The following CELSR1 variants were observed in gnomAD, a reference collection of about 807,000 sequenced individuals.
The protein encoded by CELSR1 is adhesion G protein-coupled receptor C1.
Under a neutral mutation model 249.1 loss-of-function variants are expected in CELSR1, and 110 were observed. That is an observed-to-expected ratio of 0.44 (90% CI 0.38 to 0.52). The LOEUF is 0.52. Among genes scored for constraint, CELSR1 ranks in the 20% least tolerant of loss-of-function variants. The pLI is 0.00. For missense variants in CELSR1, 4,109 were observed against 4,296.4 expected, an observed-to-expected ratio of 0.96 and a Z score of 1.22; for synonymous variants, 2,113 against 1,900.0, an observed-to-expected ratio of 1.11 and a Z score of -2.92.
chr22:46,480,330 G>A (rs2080254100), intron 1 of CELSR1, among the ~76,000 whole-genome samples: 1 of 152,190 alleles, frequency 6.6e-6, no homozygotes, highest in African/African-American at 2.4e-5. Context: ...TCAAGATGCA[G>A]CATGTCAAAA....
chr22:46,524,306 A>T (rs957757228), intron 1 of CELSR1, among the ~76,000 whole-genome samples: 1 of 151,780 alleles, frequency 6.6e-6, no homozygotes, highest in Non-Finnish European at 1.5e-5. Context: ...CTTCTCAATC[A>T]CCCCTGCTCT....
At chr22:46,432,928 A>T (rs1216016891) in intron 5 of CELSR1, among the ~76,000 whole-genome samples, 1 of 152,210 alleles carries the variant, frequency 6.6e-6, no homozygotes, top group Non-Finnish European at 1.5e-5. Flanking sequence ...CAGACCCTCC[A>T]CAAATGTGCA....
At chr22:46,486,408 C>A (rs1030215699) in intron 1 of CELSR1, among the ~76,000 whole-genome samples, 2 of 151,566 alleles carry the variant, frequency 1.3e-5, no homozygotes, top group Non-Finnish European at 2.9e-5. Context: ...ATTAGCTGGG[C>A]GTGGTGGTGG....
chr22:46,376,182 T>G (rs1716331199), intron 24 of CELSR1, among the ~76,000 whole-genome samples: 1 of 152,272 alleles, frequency 6.6e-6, no homozygotes, highest in African/African-American at 2.4e-5. Context: ...TTATCAAAAT[T>G]CTTTTGTACA....
rs780101304 is a variant in CELSR1, at chr22:46,533,870, G to C, written c.3301C>G (p.Leu1101Val). The stretch of plus-strand genomic sequence containing the variant: ...TTGAAGAGGATCTGGAAGTCGGGCA[G>C]CACAGGCGGGTTGTCATTCTGGTCC... ...LVDQNDNPPV[L>V]PDFQILFNNY... The change falls in exon 1 of 35, where the codon CTG becomes GTG. Residue 1101 changes from leucine (L) to valine (V), a missense_variant. Physicochemically the swap from Leu to Val is conservative, Grantham distance 32. Coordinates refer to ENST00000674500, the MANE Select transcript of CELSR1 (RefSeq NM_001378328.1). 4 of 1,613,746 alleles carry C rather than the reference G, an allele frequency of 2.5e-6. No homozygotes were observed. Among genetic ancestry groups the C allele is most frequent in the Middle Eastern group, 1.6e-4 (1 of 6,062 alleles).
chr22:46,409,131 C>G lies in CELSR1; in HGVS notation c.5091G>C (p.Glu1697Asp), dbSNP rs1035012688. Residue 1697 changes from glutamate (E) to aspartate (D), a missense_variant, in exon 9 of 35, where the codon GAG becomes GAC. Transcript: ENST00000674500. This position sits in a 1 kb window ranked among gnomAD's most constrained non-coding sequence, Gnocchi z 9.8. ...AMPHPQLFSG[E>D]SVVSWSDLNI... Reference sequence around the variant, plus strand: ...TCAGGTCACTCCAGGACACGACGCTCTCACCGCTGAAGAGCTGGGGGTGAG... The same window carrying G: ...TCAGGTCACTCCAGGACACGACGCTGTCACCGCTGAAGAGCTGGGGGTGAG... 3.1e-6 allele frequency: 5 copies of G among 1,613,392 alleles called. No individual in the cohort carries two copies. Among genetic ancestry groups the G allele is most frequent in the Admixed American group, 3.3e-5 (2 of 59,962 alleles).
intron 1 of CELSR1, among the ~76,000 whole-genome samples, chr22:46,525,225 G>T (rs2080727068): frequency 1.3e-5 from 2 of 152,208 alleles, no homozygotes; most frequent in South Asian, 4.1e-4. Context: ...GAAGCGGGCA[G>T]ATCACCTGAG....
In CELSR1 at chr22:46,398,071, T is replaced by A. The variant is rs2079170400; in HGVS notation, c.5527-223A>T. Among the ~76,000 whole-genome samples the A allele has an allele frequency of 6.6e-6, 1 of 152,008 alleles. No homozygotes were observed. Among genetic ancestry groups the A allele is most frequent in the Non-Finnish European group, 1.5e-5 (1 of 67,962 alleles). On this transcript the variant is annotated intron_variant, in intron 11 of 34. Transcript: ENST00000674500. The surrounding 1 kb of genome is among the most constrained non-coding windows in gnomAD (Gnocchi z 7.2). ...GCTCAGAGGGCACGCCAGCCTGAGC[T>A]CCTGGGGTGCGCGGTGGGGGCGTGA...
At chr22:46,414,876 C>T (rs1199160247) in intron 5 of CELSR1, among the ~76,000 whole-genome samples, 1 of 152,206 alleles carries the variant, frequency 6.6e-6, no homozygotes, top group African/African-American at 2.4e-5. Context: ...GTGGAAACCA[C>T]CTAAATGTCC....
In CELSR1 at chr22:46,440,615, A is replaced by T. The variant is rs1311919332; in HGVS notation, c.4184-1204T>A. Among the ~76,000 whole-genome samples the T allele has an allele frequency of 5.9e-5, 9 of 151,456 alleles. No individual in the cohort carries two copies. The highest frequency in any genetic ancestry group is 1.0e-4 in the Non-Finnish European group (7 of 67,924). ...TTTTCCTGTTTTATTGACAATTGAC[A>T]CTCTCTTTCCTAGAAGCTGCCTGAG... is the stretch of plus-strand genomic sequence containing the variant. On this transcript the variant is annotated intron_variant, in intron 2 of 34. Coordinates refer to ENST00000674500, the MANE Select transcript of CELSR1 (RefSeq NM_001378328.1). This position sits in a 1 kb window ranked among gnomAD's most constrained non-coding sequence, Gnocchi z 4.7.
At chr22:46,493,267 G>A (rs1346563468) in intron 1 of CELSR1, among the ~76,000 whole-genome samples, 1 of 151,604 alleles carries the variant, frequency 6.6e-6, no homozygotes, top group Non-Finnish European at 1.5e-5. Context: ...AAAAACAGGC[G>A]GGGCGTGGTG....
At position 46,517,997 on chromosome 22, in the gene CELSR1, C is replaced by T. The variant is rs916474508; in HGVS notation, c.3544+15630G>A. Among the ~76,000 whole-genome samples, 1 of 151,394 alleles carries T rather than the reference C, an allele frequency of 6.6e-6. No homozygotes were observed. The highest frequency in any genetic ancestry group is 2.4e-5 in the African/African-American group (1 of 41,136). On this transcript the variant is annotated intron_variant, in intron 1 of 34. Transcript: ENST00000674500. The surrounding 1 kb of genome is among the most constrained non-coding windows in gnomAD (Gnocchi z 5.4). ...GGCTCACTGCAACCTCTGCCTCCTG[C>T]GTTCAAGTGATTCTCCTGCCTCAGC...
chr22:46,421,860 G>T (rs541750426), intron 5 of CELSR1, among the ~76,000 whole-genome samples: 5 of 152,238 alleles, frequency 3.3e-5, no homozygotes, highest in African/African-American at 4.8e-5. Context: ...GGAAGCTCAC[G>T]AAGGGCGTGA....
chr22:46,528,589 G>C (rs1269156752), intron 1 of CELSR1, among the ~76,000 whole-genome samples: 1 of 152,214 alleles, frequency 6.6e-6, no homozygotes. Flanking sequence ...GATGACTGGA[G>C]AAAAGAAATG....
chr22:46,453,815 A>T (rs1047615496), intron 2 of CELSR1, among the ~76,000 whole-genome samples: 13 of 152,166 alleles, frequency 8.5e-5, no homozygotes, highest in African/African-American at 2.9e-4. Flanking sequence ...CACAGCGCCG[A>T]TGGTGGGACC....
In CELSR1 at chr22:46,472,855, G is replaced by A. The variant is rs2080169773; in HGVS notation, c.3545-8510C>T. On this transcript the variant is annotated intron_variant, in intron 1 of 34. Coordinates refer to ENST00000674500, the MANE Select transcript of CELSR1 (RefSeq NM_001378328.1). This position sits in a 1 kb window ranked among gnomAD's most constrained non-coding sequence, Gnocchi z 7.0. ...GCACCCCTCTGGCCTCTGCCTCTGC[G>A]CCAAGTGGCTATGGCTCTCCCTGTG... Among the ~76,000 whole-genome samples the A allele has an allele frequency of 6.6e-6, 1 of 152,112 alleles. No individual in the cohort carries two copies. The highest frequency in any genetic ancestry group is 1.5e-5 in the Non-Finnish European group (1 of 68,030).
chr22:46,391,233 G>C lies in CELSR1; in HGVS notation c.6203C>G (p.Thr2068Ser). ...AFEAGIWWPQ[T>S]KFGQPAAVPC... ...CACCGCAGCCGGCTGCCCGAACTTG[G>C]TCTGTGGCCACCAGATGCCGGCCTC... Residue 2068 changes from threonine (T) to serine (S), a missense_variant, in exon 16 of 35, where the codon ACC becomes AGC. Around this residue, in one of 7 missense-constraint regions of CELSR1, gnomAD observed 1,805 missense variants for 1,831.6 expected, o/e 0.99. Transcript: ENST00000674500. This position sits in a 1 kb window ranked among gnomAD's most constrained non-coding sequence, Gnocchi z 4.3. The C allele has an allele frequency of 6.2e-7, 1 of 1,613,730 alleles. No homozygotes were observed. Among genetic ancestry groups the C allele is most frequent in the Non-Finnish European group, 8.5e-7 (1 of 1,180,006 alleles).
intron 1 of CELSR1, among the ~76,000 whole-genome samples, chr22:46,476,510 C>T (rs543109420): frequency 1.1e-4 from 16 of 150,434 alleles, no homozygotes; most frequent in African/African-American, 2.0e-4. Flanking sequence ...GTGGGAGAAT[C>T]GCTTGAACCT....
At chr22:46,480,444 T>C (rs780191464) in intron 1 of CELSR1, among the ~76,000 whole-genome samples, 7 of 152,220 alleles carry the variant, frequency 4.6e-5, no homozygotes, top group Non-Finnish European at 8.8e-5. Context: ...TCCAAATGAG[T>C]TTCCCTCCCA....
Sources: allele counts gnomAD v4.1 joint callset (sites outside exome capture counted in the v4.1 genomes callset), GRCh38; gene constraint gnomAD v4.1.1; regional missense constraint gnomAD v4.1.1; non-coding constraint Gnocchi (gnomAD v3.1); transcripts MANE v1.5; gene names NCBI Gene and HGNC (gene_info 2026-07-23, HGNC 2026-07-21).